The following SHOC2 variants were observed in gnomAD, a reference collection of about 807,000 sequenced individuals.
SHOC2 encodes the protein leucine-rich repeat protein SHOC-2.
Under a neutral mutation model 50.2 loss-of-function variants are expected in SHOC2, and 4 were observed. The ratio of observed to expected loss-of-function variants is 0.08; its 90% CI spans 0.04 to 0.18. The LOEUF is 0.18. SHOC2 is among the 10% of genes least tolerant of loss of function. The pLI, the probability that SHOC2 is intolerant of heterozygous loss-of-function variation, is 1.00. For synonymous variants in SHOC2, 218 were observed against 244.5 expected, an observed-to-expected ratio of 0.89 and a Z score of 1.01; for missense variants, 388 against 669.6, an observed-to-expected ratio of 0.58 and a Z score of 4.64.
intron 1 of SHOC2, among the ~76,000 whole-genome samples, chr10:110,949,922 A>G (rs1847318738): frequency 4.6e-5 from 7 of 152,212 alleles, no homozygotes; most frequent in Admixed American, 4.6e-4. Context: ...GAAGGTACGT[A>G]TCTCAACACC....
chr10:111,007,883 A>G (rs927406188), intron 6 of SHOC2, among the ~76,000 whole-genome samples: 1 of 152,040 alleles, frequency 6.6e-6, no homozygotes, highest in East Asian at 1.9e-4. Context: ...TTTGAGTGCC[A>G]TAAAGTATTA....
intron 2 of SHOC2, among the ~76,000 whole-genome samples, chr10:110,976,416 A>G (rs1564718959): frequency 6.7e-6 from 1 of 150,152 alleles, no homozygotes; most frequent in Non-Finnish European, 1.5e-5. Flanking sequence ...GGCTCTAGTG[A>G]TCCTTCCTCC....
intron 4 of SHOC2, among the ~76,000 whole-genome samples, chr10:111,004,025 G>A (rs1366756028): frequency 6.6e-6 from 1 of 152,130 alleles, no homozygotes; most frequent in African/African-American, 2.4e-5. Context: ...TGTTTAATGG[G>A]TACATATATG....
intron 4 of SHOC2, among the ~76,000 whole-genome samples, chr10:111,003,505 T>C (rs964078780): frequency 2.0e-5 from 3 of 152,232 alleles, no homozygotes; most frequent in African/African-American, 4.8e-5. Flanking sequence ...TGTTAACTTA[T>C]TTATGTATTT....
intron 3 of SHOC2, 104 bp from the exon 4 acceptor site, chr10:111,000,311 A>C: frequency 1.8e-6 from 2 of 1,111,510 alleles, no homozygotes; most frequent in Non-Finnish European, 2.7e-6. Context: ...TTGCTGAAAC[A>C]GTACTTTGAA....
intron 1 of SHOC2, among the ~76,000 whole-genome samples, chr10:110,934,668 GACA>G (rs1846967962): frequency 6.6e-6 from 1 of 152,026 alleles, no homozygotes; most frequent in Non-Finnish European, 1.5e-5. Context: ...CTTACATGGT[GACA>G]ACATTAAATA....
At chr10:110,980,080 T>C (rs746543269) in intron 2 of SHOC2, among the ~76,000 whole-genome samples, 11 of 152,154 alleles carry the variant, frequency 7.2e-5, no homozygotes, top group Non-Finnish European at 1.2e-4. Flanking sequence ...CTACAACCAG[T>C]TGGGAACAGC....
At chr10:110,922,220 A>C (rs1488086638) in intron 1 of SHOC2, among the ~76,000 whole-genome samples, 3 of 152,234 alleles carry the variant, frequency 2.0e-5, no homozygotes, top group Non-Finnish European at 4.4e-5. Context: ...CTCTTTCCAC[A>C]TCAGAGAGAC....
intron 2 of SHOC2, among the ~76,000 whole-genome samples, chr10:110,977,726 A>T (rs927277192): frequency 1.3e-5 from 2 of 152,156 alleles, no homozygotes; most frequent in Admixed American, 1.3e-4. Flanking sequence ...TAGTTTTAGT[A>T]GCCTTTTGTC....
At chr10:110,991,669 TGA>T (rs1191818071) in intron 3 of SHOC2, among the ~76,000 whole-genome samples, 1 of 152,222 alleles carries the variant, frequency 6.6e-6, no homozygotes, top group Admixed American at 6.5e-5. Flanking sequence ...CCTAGTATTT[TGA>T]TGATGTAGCA....
chr10:110,986,902 A>G (rs892330115), intron 3 of SHOC2, among the ~76,000 whole-genome samples: 1 of 152,202 alleles, frequency 6.6e-6, no homozygotes, highest in South Asian at 2.1e-4. Flanking sequence ...ACTTCAATCA[A>G]TTCGTGTTCA....
chr10:110,926,323 T>C (rs1157564268), intron 1 of SHOC2, among the ~76,000 whole-genome samples: 1 of 152,200 alleles, frequency 6.6e-6, no homozygotes, highest in Non-Finnish European at 1.5e-5. Context: ...AAATTAGTTT[T>C]AGATGAATAG....
At chr10:110,948,320 A>G (rs1425906063) in intron 1 of SHOC2, among the ~76,000 whole-genome samples, 3 of 152,228 alleles carry the variant, frequency 2.0e-5, no homozygotes, top group African/African-American at 7.2e-5. Flanking sequence ...TGCTTTAGCA[A>G]TAGATAGATT....
intron 7 of SHOC2, 139 bp from the exon 8 acceptor site, chr10:111,009,572 AAT>A (rs1848530876): frequency 1.3e-6 from 1 of 795,884 alleles, no homozygotes; most frequent in Non-Finnish European, 2.1e-6. Flanking sequence ...GTGAAAGAAA[AAT>A]ATGTAATGTA....
intron 1 of SHOC2, among the ~76,000 whole-genome samples, chr10:110,928,911 A>G (rs140718110): frequency 6.6e-6 from 1 of 152,304 alleles, no homozygotes; most frequent in East Asian, 1.9e-4. Context: ...AGTCAGCTGT[A>G]TAACTCCTGT....
At chr10:111,007,396 T>C in intron 5 of SHOC2, 135 bp from the exon 6 acceptor site, 1 of 1,007,006 alleles carries the variant, frequency 9.9e-7, no homozygotes. Flanking sequence ...GCTGATTTTT[T>C]TTCTTTCTAT....
At chr10:110,966,026 TG>T (rs1457211742) in intron 2 of SHOC2, among the ~76,000 whole-genome samples, 2 of 152,116 alleles carry the variant, frequency 1.3e-5, no homozygotes, top group African/African-American at 4.8e-5. Context: ...ATTATATTTT[TG>T]TTGCTTTCAG....
chr10:110,949,469 T>A (rs1242059690), intron 1 of SHOC2, among the ~76,000 whole-genome samples: 1 of 152,180 alleles, frequency 6.6e-6, no homozygotes, highest in South Asian at 2.1e-4. Flanking sequence ...AAGAAAAGCT[T>A]TGGACCTGAA....
At chr10:110,934,645 A>G (rs1846967396) in intron 1 of SHOC2, among the ~76,000 whole-genome samples, 1 of 152,154 alleles carries the variant, frequency 6.6e-6, no homozygotes, top group African/African-American at 2.4e-5. Context: ...CCTAAGATAT[A>G]TTCCTTTTAT....
Sources: gnomAD v4.1 joint callset for allele counts (sites outside exome capture counted in the v4.1 genomes callset) on GRCh38, gnomAD v4.1.1 for gene constraint, MANE v1.5 for transcripts, NCBI Gene and HGNC (gene_info 2026-07-23, HGNC 2026-07-21) for gene names.